Variants in ATXN7L1 observed in about 807,000 individuals in gnomAD.
ATXN7L1 encodes the protein ataxin 7 like 1.
ATXN7L1 carries 15 observed loss-of-function variants against 70.8 expected under a neutral mutation model. That is an observed-to-expected ratio of 0.21 (90% CI 0.14 to 0.33). The LOEUF is 0.33. Ranked by LOEUF, ATXN7L1 falls within the 10% of genes least tolerant of loss-of-function variation. The probability of loss-of-function intolerance (pLI) is 1.00; values close to 1 mark genes in which losing one functional copy is unlikely to be tolerated. For missense variants in ATXN7L1, 975 were observed against 1,097.1 expected (o/e 0.89, Z 1.57); for synonymous variants, 440 against 445.1 (o/e 0.99, Z 0.14).
At chr7:105,636,631 T>C (rs1319165202) in intron 7 of ATXN7L1, among the ~76,000 whole-genome samples, 1 of 152,184 alleles carries the variant, frequency 6.6e-6, no homozygotes, top group Admixed American at 6.6e-5. Context: ...TTTTATTCTT[T>C]AATGGCTGCT....
At chr7:105,824,688 G>A in intron 2 of ATXN7L1, among the ~76,000 whole-genome samples, 1 of 151,980 alleles carries the variant, frequency 6.6e-6, no homozygotes, top group Non-Finnish European at 1.5e-5. Flanking sequence ...CCAAGTGAAT[G>A]GGGAGGAAGA....
chr7:105,863,435 A>C (rs1483352094), intron 2 of ATXN7L1, among the ~76,000 whole-genome samples: 5 of 152,220 alleles, frequency 3.3e-5, no homozygotes, highest in African/African-American at 1.2e-4. Flanking sequence ...TCTCTTGGCC[A>C]AGGATGGTGA....
chr7:105,834,026 A>T (rs1292187927), intron 2 of ATXN7L1, among the ~76,000 whole-genome samples: 1 of 152,104 alleles, frequency 6.6e-6, no homozygotes, highest in Non-Finnish European at 1.5e-5. Context: ...CCATGTCATC[A>T]TTGTCTTTGT....
chr7:105,718,662 G>C (rs929844944), intron 3 of ATXN7L1, among the ~76,000 whole-genome samples: 4 of 152,212 alleles, frequency 2.6e-5, no homozygotes, highest in African/African-American at 9.6e-5. Flanking sequence ...GGTTGGAAGG[G>C]TGACAACTGA....
At chr7:105,746,609 C>T (rs1283906135) in intron 3 of ATXN7L1, among the ~76,000 whole-genome samples, 3 of 152,212 alleles carry the variant, frequency 2.0e-5, no homozygotes, top group East Asian at 3.8e-4. Flanking sequence ...CTTTTCTTCA[C>T]CTGACATCAT....
chr7:105,679,037 T>C, intron 3 of ATXN7L1: 1 of 979,898 alleles, frequency 1.0e-6, no homozygotes, highest in Non-Finnish European at 1.2e-6. Context: ...CCTCGTGCCC[T>C]GCGCTCACAC....
At chr7:105,779,602 T>C (rs1414775197) in intron 3 of ATXN7L1, among the ~76,000 whole-genome samples, 2 of 152,204 alleles carry the variant, frequency 1.3e-5, no homozygotes, top group East Asian at 3.8e-4. Flanking sequence ...CCTTAGCATC[T>C]ATAGTGTAAC....
chr7:105,677,576 T>C (rs1430484946), intron 3 of ATXN7L1, among the ~76,000 whole-genome samples: 1 of 152,222 alleles, frequency 6.6e-6, no homozygotes, highest in African/African-American at 2.4e-5. Context: ...CACTGTGGAA[T>C]AAATGGGTGT....
intron 3 of ATXN7L1, among the ~76,000 whole-genome samples, chr7:105,680,412 C>G (rs1001735868): frequency 4.6e-5 from 7 of 152,194 alleles, no homozygotes; most frequent in Non-Finnish European, 8.8e-5. Context: ...CTTCCTTTTC[C>G]CCTCTTGTTG....
At chr7:105,676,770 A>G (rs2116136034) in intron 3 of ATXN7L1, among the ~76,000 whole-genome samples, 1 of 152,114 alleles carries the variant, frequency 6.6e-6, no homozygotes, top group South Asian at 2.1e-4. Context: ...AACCTTGGAG[A>G]TGGAGGTAGC....
intron 4 of ATXN7L1, among the ~76,000 whole-genome samples, chr7:105,648,419 C>A (rs186876125): frequency 3.9e-4 from 59 of 152,190 alleles, no homozygotes; most frequent in Non-Finnish European, 7.9e-4. Flanking sequence ...CCAGTATACA[C>A]GCTAGCCATC....
intron 2 of ATXN7L1, among the ~76,000 whole-genome samples, chr7:105,829,173 G>A (rs1379447220): frequency 6.6e-6 from 1 of 152,222 alleles, no homozygotes; most frequent in Non-Finnish European, 1.5e-5. Flanking sequence ...TGTAATCCCA[G>A]CACTTTGGGA....
At chr7:105,690,217 C>T (rs1216024563) in intron 3 of ATXN7L1, among the ~76,000 whole-genome samples, 1 of 152,014 alleles carries the variant, frequency 6.6e-6, no homozygotes, top group Non-Finnish European at 1.5e-5. Flanking sequence ...GTTGGTCAGG[C>T]TGGTCTCGAA....
At chr7:105,617,759 C>T in intron 9 of ATXN7L1, 1 of 359,558 alleles carries the variant, frequency 2.8e-6, no homozygotes, top group Non-Finnish European at 5.6e-6. Context: ...CCCAACCTCC[C>T]CTGCCAGGTG....
chr7:105,838,218 C>G (rs1385399885), intron 2 of ATXN7L1, among the ~76,000 whole-genome samples: 1 of 152,200 alleles, frequency 6.6e-6, no homozygotes, highest in Admixed American at 6.5e-5. Flanking sequence ...ACACCAAAGG[C>G]TGGTGGTCTG....
At chr7:105,749,871 C>A (rs1448679452) in intron 3 of ATXN7L1, among the ~76,000 whole-genome samples, 2 of 151,812 alleles carry the variant, frequency 1.3e-5, no homozygotes, top group African/African-American at 4.8e-5. Flanking sequence ...CCTTCTCCCC[C>A]AGGTCCAAAC....
At chr7:105,685,300 T>A (rs1187562806) in intron 3 of ATXN7L1, among the ~76,000 whole-genome samples, 5 of 151,714 alleles carry the variant, frequency 3.3e-5, no homozygotes, top group African/African-American at 1.2e-4. Context: ...GTAAAAGAGG[T>A]TTCAAAGTTG....
At chr7:105,834,152 C>T (rs753670234) in intron 2 of ATXN7L1, among the ~76,000 whole-genome samples, 1 of 152,186 alleles carries the variant, frequency 6.6e-6, no homozygotes. Context: ...AAGCAATTCT[C>T]CTGCCTCAGC....
At chr7:105,648,972 C>T (rs964161882) in intron 4 of ATXN7L1, among the ~76,000 whole-genome samples, 2 of 143,756 alleles carry the variant, frequency 1.4e-5, no homozygotes, top group African/African-American at 6.0e-5. Flanking sequence ...TTGGCAATAG[C>T]CTGATGGGTG....
Sources: allele counts gnomAD v4.1 joint callset (sites outside exome capture counted in the v4.1 genomes callset), GRCh38; gene constraint gnomAD v4.1.1; transcripts MANE v1.5; gene names NCBI Gene and HGNC (gene_info 2026-07-23, HGNC 2026-07-21).